Variants in REXO1 observed in about 807,000 individuals in gnomAD.
The protein encoded by REXO1 is REX1, RNA exonuclease 1 homolog.
In REXO1, 42 loss-of-function variants were observed where a neutral mutation model predicts 102.6. That is an observed-to-expected ratio of 0.41 (90% CI 0.32 to 0.53). The LOEUF is 0.53. Among genes scored for constraint, REXO1 ranks in the 20% least tolerant of loss-of-function variants. The probability of loss-of-function intolerance (pLI) is 0.27; values close to 1 mark genes in which losing one functional copy is unlikely to be tolerated. For missense variants in REXO1, 1,819 were observed against 1,732.5 expected, an observed-to-expected ratio of 1.05 and a Z score of -0.89; for synonymous variants, 908 against 779.1, an observed-to-expected ratio of 1.17 and a Z score of -2.76.
intron 1 of REXO1, among the ~76,000 whole-genome samples, chr19:1,838,178 G>A (rs551869612): frequency 1.4e-4 from 21 of 151,972 alleles, no homozygotes; most frequent in South Asian, 4.2e-4. Context: ...AAAATTAGCC[G>A]GGTGTGGGGG....
At chr19:1,841,211 TTTA>T (rs1316836820) in intron 1 of REXO1, among the ~76,000 whole-genome samples, 1 of 152,148 alleles carries the variant, frequency 6.6e-6, no homozygotes, top group Non-Finnish European at 1.5e-5. Context: ...TTCTACCCTG[TTTA>T]TTTTCTTTTC....
rs2069826822 is a variant in REXO1 at position 1,828,854 on chromosome 19, G to C, written c.158-223C>G. On this transcript the variant is annotated intron_variant, in intron 1 of 15. Coordinates refer to ENST00000170168, the MANE Select transcript of REXO1 (RefSeq NM_020695.4). ...GCCTTGCCCTGACCAATGGGCGCTG[G>C]ATGGGCCTGGGCTGCGTGACACACA... is the stretch of plus-strand genomic sequence containing the variant. 1.3e-5 allele frequency among the ~76,000 whole-genome samples: 2 copies of C among 152,266 alleles called. 1 individual carries two copies. The highest frequency in any genetic ancestry group is 4.1e-4 in the South Asian group (2 of 4,834).
chr19:1,833,496 C>G (rs1213357409), intron 1 of REXO1, among the ~76,000 whole-genome samples: 1 of 152,228 alleles, frequency 6.6e-6, no homozygotes, highest in Non-Finnish European at 1.5e-5. Flanking sequence ...CGAGGGCACC[C>G]AACTAGGATC....
At position 1,819,090 on chromosome 19, in the gene REXO1, C is replaced by T. The variant is rs1344676359; in HGVS notation, c.2692G>A (p.Gly898Arg). Residue 898 changes from glycine (G) to arginine (R), a missense_variant, in exon 8 of 16, where the codon GGG (glycine) becomes AGG (arginine). Coordinates refer to ENST00000170168, the MANE Select transcript of REXO1 (RefSeq NM_020695.4). The part of the protein sequence containing the change: ...RRVVSHEVVL[G>R]GRLAAKTSFS... ...CTGGTCTTGGCGGCCAACCTGCCCC[C>T]CAACACCACCTCGTGGGACACAACC... 2 of 1,598,074 alleles carry T rather than the reference C, an allele frequency of 1.3e-6. No individual in the cohort carries two copies. The highest frequency in any genetic ancestry group is 1.1e-5 in the South Asian group (1 of 89,460).
In REXO1 at chr19:1,823,606, C is replaced by T. The variant is rs768417905; in HGVS notation, c.2196G>A (p.Arg732=). ...GGCGGGGGTTGGGGATGTGGGCGAT[C>T]CTCCTCTTCTCGCCAGGGGCGGAAA... The part of the protein sequence containing the change: ...VHISAPGEKR[R]IAHIPNPRLA... The change falls in exon 4 of 16, where the codon AGG becomes AGA. Residue 732 remains arginine (R), a synonymous_variant. Transcript: ENST00000170168. The T allele has an allele frequency of 2.3e-5, 31 of 1,323,546 alleles. No homozygotes were observed. Among genetic ancestry groups the T allele is most frequent in the Admixed American group, 1.7e-4 (5 of 29,134 alleles). The allele number at this position is 1,323,546 out of a possible 1,614,324, so 82.0% of individuals were successfully genotyped here.
In REXO1 at chr19:1,816,291, G is replaced by A; in HGVS notation, c.3511C>T (p.Leu1171Phe). 1 of 1,588,236 alleles carries A rather than the reference G, an allele frequency of 6.3e-7. No homozygotes were observed. The highest frequency in any genetic ancestry group is 1.1e-5 in the South Asian group (1 of 87,898). The change falls in exon 15 of 16, where the codon CTC becomes TTC. Residue 1171 changes from leucine (L) to phenylalanine (F), a missense_variant. Leu to Phe is a conservative substitution (Grantham distance 22). Coordinates refer to ENST00000170168, the MANE Select transcript of REXO1 (RefSeq NM_020695.4). ...TTCCGCAGGGACCGCTTGTAGGGGA[G>A]GCCCAGGCGGTGGGGGAAGAGCACA... ...TSVLFPHRLG[L>F]PYKRSLRNLM...
intron 3 of REXO1, among the ~76,000 whole-genome samples, chr19:1,825,389 C>T (rs1282664498): frequency 6.7e-6 from 1 of 149,686 alleles, no homozygotes; most frequent in Non-Finnish European, 1.5e-5. Context: ...CGCCTGTAAT[C>T]CCAACGCTGG....
chr19:1,842,168 G>A (rs996415777), intron 1 of REXO1, among the ~76,000 whole-genome samples: 2 of 150,076 alleles, frequency 1.3e-5, no homozygotes, highest in South Asian at 2.1e-4. Flanking sequence ...CTAAGATGGA[G>A]CCACTGCACT....
Position 1,815,929 on chromosome 19 carries a change from C to G in REXO1, c.*137G>C, listed in dbSNP as rs1489944422. ...TGGGCTGGGCTGGGCGTTCTCTGGC[C>G]GCCAGCTCATCCCGCTGCTCTGGGC... On this transcript the variant is annotated 3_prime_UTR_variant, in exon 16 of 16. Coordinates refer to ENST00000170168, the MANE Select transcript of REXO1 (RefSeq NM_020695.4). This position sits in a 1 kb window ranked among gnomAD's most constrained non-coding sequence, Gnocchi z 4.0. 1.3e-6 allele frequency: 2 copies of G among 1,534,770 alleles called. No individual in the cohort carries two copies. The highest frequency in any genetic ancestry group is 1.7e-6 in the Non-Finnish European group (2 of 1,146,456).
At chr19:1,836,913 C>G (rs752962528) in intron 1 of REXO1, among the ~76,000 whole-genome samples, 2 of 152,158 alleles carry the variant, frequency 1.3e-5, no homozygotes, top group African/African-American at 2.4e-5. Context: ...GCAGAGACCC[C>G]AGATGGAAAC....
chr19:1,823,187 A>C (rs1418990626), intron 4 of REXO1: 1 of 221,586 alleles, frequency 4.5e-6, no homozygotes, highest in Non-Finnish European at 8.8e-6. Context: ...TTTCCATCAG[A>C]GGCCACGCCC....
Position 1,823,818 on chromosome 19 carries a change from A to C in REXO1, c.2017-33T>G, listed in dbSNP as rs1011174265. ...ACCACAAATGCTAAGGCCTGGCAGC[A>C]CAGCGGGGGCACCTGGAGCAGGCGA... On this transcript the variant is annotated intron_variant, in intron 3 of 15. Transcript: ENST00000170168. 22 of 1,079,344 alleles carry C rather than the reference A, an allele frequency of 2.0e-5. No individual in the cohort carries two copies. The African/African-American group carries it at 3.2e-4, about 16-fold the overall frequency. 66.9% of individuals were successfully genotyped at this position (1,079,344 alleles called of 1,614,324 possible).
chr19:1,827,767 G>A lies in REXO1; in HGVS notation c.1022C>T (p.Ala341Val), dbSNP rs1469903628. The change falls in exon 2 of 16, where the codon GCC becomes GTC. Residue 341 changes from alanine to valine, a missense_variant. By Grantham distance (64) the Ala-to-Val change is moderately conservative. Transcript: ENST00000170168. ...GAGGTCCCCCACGTCGCACTGCACG[G>A]CCGTCTCCTTGGTCTCCCGCAGGCC... is the stretch of plus-strand genomic sequence containing the variant. ...GGGLRETKETAVQCDVGDLQP... is the reference protein window; with the variant it reads ...GGGLRETKETVVQCDVGDLQP... The A allele has an allele frequency of 6.3e-7, 1 of 1,581,156 alleles. No individual in the cohort carries two copies. The highest frequency in any genetic ancestry group is 8.5e-7 in the Non-Finnish European group (1 of 1,172,040).
At position 1,827,428 on chromosome 19, in the gene REXO1, G is replaced by T; in HGVS notation, c.1361C>A (p.Pro454Gln). ...ATSGKGRPDR[P>Q]ARRPSPTSGD... Reference sequence around the variant, plus strand: ...GCTTGTGGGGCTCGGCCGCCGCGCTGGCCGGTCAGGCCTCCCTTTCCCTGA... The same window carrying T: ...GCTTGTGGGGCTCGGCCGCCGCGCTTGCCGGTCAGGCCTCCCTTTCCCTGA... The change falls in exon 2 of 16, where the codon CCA (proline) becomes CAA (glutamine). Residue 454 changes from proline to glutamine, a missense_variant. Pro to Gln is a moderately conservative substitution (Grantham distance 76, BLOSUM62 -1). Transcript: ENST00000170168. 6.4e-7 allele frequency: 1 copy of T among 1,551,202 alleles called. No individual in the cohort carries two copies.
At chr19:1,817,480 GGGCTTGCCAAGAAGACACAGGGAGGAC>G in intron 11 of REXO1, 151 bp from the exon 12 acceptor site, 1 of 1,474,504 alleles carries the variant, frequency 6.8e-7, no homozygotes. Flanking sequence ...GTGGGGAAGG[GGGCTTGCCAAGAAGACACAGGGAGGAC>G]GGCTTCCCAG....
At chr19:1,842,881 C>A (rs954205940) in intron 1 of REXO1, among the ~76,000 whole-genome samples, 2 of 152,222 alleles carry the variant, frequency 1.3e-5, no homozygotes, top group African/African-American at 4.8e-5. Context: ...ACCCAGAGAC[C>A]CGTGGCAACA....
chr19:1,818,781 C>T lies in REXO1; in HGVS notation c.2827G>A (p.Gly943Ser), dbSNP rs1230357272. ...LLTQDQLKEN[G>S]YPFPHPERPG... ...CGCTCTGGGTGCGGGAAGGGGTAGC[C>T]GTTCTCCTTGAGCTGGTCCTGGGTG... The change falls in exon 9 of 16, where the codon GGC (glycine) becomes AGC (serine). Residue 943 changes from glycine (G) to serine (S), a missense_variant. Physicochemically the swap from Gly to Ser is moderately conservative, Grantham distance 56. Transcript: ENST00000170168. 4 of 1,609,890 alleles carry T rather than the reference C, an allele frequency of 2.5e-6. No individual in the cohort carries two copies. The highest frequency in any genetic ancestry group is 1.1e-5 in the South Asian group (1 of 91,048).
In REXO1 at chr19:1,840,996, T is replaced by C. The variant is rs1018320435; in HGVS notation, c.157+7206A>G. ...CCCCGGGCTCCAGGCACGCAGCCTG[T>C]CATGGGACGGGAGGCGCTCCGTCCT... On this transcript the variant is annotated intron_variant, in intron 1 of 15. Coordinates refer to ENST00000170168, the MANE Select transcript of REXO1 (RefSeq NM_020695.4). 7.9e-4 allele frequency among the ~76,000 whole-genome samples: 120 copies of C among 152,314 alleles called. 1 individual carries two copies. Among genetic ancestry groups the C allele is most frequent in the African/African-American group, 2.7e-3 (113 of 41,568 alleles).
At chr19:1,846,205 T>C (rs1247243151) in intron 1 of REXO1, among the ~76,000 whole-genome samples, 4 of 152,234 alleles carry the variant, frequency 2.6e-5, no homozygotes, top group South Asian at 4.1e-4. Context: ...TCAAATCTCA[T>C]AGGAAACTGG....
Sources: gnomAD v4.1 joint callset for allele counts (sites outside exome capture counted in the v4.1 genomes callset) on GRCh38, gnomAD v4.1.1 for gene constraint, Gnocchi (gnomAD v3.1) non-coding constraint, MANE v1.5 for transcripts, NCBI Gene and HGNC (gene_info 2026-07-23, HGNC 2026-07-21) for gene names.